MAF: variants seen among roughly 807,000 people sequenced by gnomAD.
MAF encodes MAF bZIP transcription factor, also known as transcription factor Maf.
A neutral mutation model predicts 22.0 loss-of-function variants in MAF; 10 were observed. The ratio of observed to expected loss-of-function variants is 0.45; its 90% CI spans 0.28 to 0.77. The LOEUF (loss-of-function observed/expected upper bound fraction) is 0.77. Among genes scored for constraint, MAF ranks in the 30% least tolerant of loss-of-function variants. The pLI, the probability that MAF is intolerant of heterozygous loss-of-function variation, is 0.12. For synonymous variants in MAF, 337 were observed against 255.8 expected (o/e 1.32, Z -3.03); for missense variants, 544 against 548.4 (o/e 0.99, Z 0.08).
At chr16:79,536,250 C>G in the MAF span, among the ~76,000 whole-genome samples, 5 of 152,228 alleles carry the variant, frequency 3.3e-5, no homozygotes, top group African/African-American at 1.2e-4. Flanking sequence ...CAAATTTCTG[C>G]CAGTCAACAA....
the MAF span, among the ~76,000 whole-genome samples, chr16:79,375,527 G>A: frequency 6.6e-6 from 1 of 152,128 alleles, no homozygotes; most frequent in Non-Finnish European, 1.5e-5. Flanking sequence ...TATTAATGAT[G>A]ATGGTAATGA....
the MAF span, among the ~76,000 whole-genome samples, chr16:79,436,677 A>G: frequency 2.0e-5 from 3 of 152,344 alleles, no homozygotes; most frequent in African/African-American, 7.2e-5. Flanking sequence ...GACATTTAAA[A>G]GGGAGACCCT....
At chr16:79,245,612 G>A in the MAF span, among the ~76,000 whole-genome samples, 1 of 152,042 alleles carries the variant, frequency 6.6e-6, no homozygotes, top group African/African-American at 2.4e-5. Context: ...GTTGGTGGGA[G>A]TGTACAGTAG....
At chr16:79,598,320 G>A in intron 1 of MAF, 1 of 1,118,244 alleles carries the variant, frequency 8.9e-7, no homozygotes. Flanking sequence ...ATGAACACCA[G>A]TTCATGAACT....
chr16:79,364,389 G>A, the MAF span, among the ~76,000 whole-genome samples: 337 of 152,244 alleles, frequency 2.2e-3, no homozygotes, highest in African/African-American at 6.3e-3. Flanking sequence ...ACAACTTCCC[G>A]CACCTGTCAC....
the MAF span, among the ~76,000 whole-genome samples, chr16:79,429,056 G>A: frequency 6.6e-6 from 1 of 152,100 alleles, no homozygotes; most frequent in Non-Finnish European, 1.5e-5. Context: ...TGTGCTGTAA[G>A]CAATGCGGAT....
chr16:79,408,078 C>CAAAAAAAAAAAAA, the MAF span, among the ~76,000 whole-genome samples: 4 of 81,578 alleles, frequency 4.9e-5, no homozygotes, highest in African/African-American at 2.0e-4. Context: ...TTTTACCTTT[C>CAAAAAAAAAAAAA]AAAAAAAAAA....
the MAF span, among the ~76,000 whole-genome samples, chr16:79,267,442 A>G: frequency 5.3e-5 from 8 of 152,078 alleles, no homozygotes; most frequent in Admixed American, 2.6e-4. Flanking sequence ...GTGGTATGGG[A>G]AAGGAGGAGT....
chr16:79,453,304 C>T, the MAF span, among the ~76,000 whole-genome samples: 1 of 152,154 alleles, frequency 6.6e-6, no homozygotes, highest in Non-Finnish European at 1.5e-5. Context: ...CCTAGTCAAA[C>T]TCCTCCCTCT....
the MAF span, among the ~76,000 whole-genome samples, chr16:79,551,622 G>A: frequency 6.6e-6 from 1 of 152,118 alleles, no homozygotes; most frequent in Non-Finnish European, 1.5e-5. Context: ...GACCACTTGG[G>A]TCAAATCCCC....
chr16:79,303,418 A>G, the MAF span, among the ~76,000 whole-genome samples: 6 of 152,104 alleles, frequency 3.9e-5, no homozygotes, highest in South Asian at 2.1e-4. Context: ...AGAGTGTGCA[A>G]TGTGGGAAGC....
the MAF span, among the ~76,000 whole-genome samples, chr16:79,217,986 TAAAAAAAAAAAAAAAAAA>T: frequency 1.5e-4 from 8 of 52,124 alleles, no homozygotes; most frequent in South Asian, 1.5e-3. Flanking sequence ...GAAGCTTATG[TAAAAAAAAAAAAAAAAAA>T]AAAAAAAAAA....
At chr16:79,252,052 C>A in the MAF span, among the ~76,000 whole-genome samples, 1 of 152,254 alleles carries the variant, frequency 6.6e-6, no homozygotes, top group African/African-American at 2.4e-5. Context: ...CTGGTCTATG[C>A]CGTCCCGGCC....
chr16:79,208,625 C>T, the MAF span, among the ~76,000 whole-genome samples: 1 of 102,832 alleles, frequency 9.7e-6, no homozygotes, highest in Non-Finnish European at 2.0e-5. Flanking sequence ...TTAAAGTGCT[C>T]TTTAAATTTT....
the MAF span, among the ~76,000 whole-genome samples, chr16:79,480,847 A>G: frequency 6.6e-6 from 1 of 152,160 alleles, no homozygotes; most frequent in African/African-American, 2.4e-5. Flanking sequence ...ACATTTCCCA[A>G]CATCTGTTTG....
the MAF span, among the ~76,000 whole-genome samples, chr16:79,533,382 G>T: frequency 1.4e-3 from 207 of 152,268 alleles, 5 homozygotes; most frequent in Admixed American, 0.012. Flanking sequence ...AAATAGAAAG[G>T]TAAATTCTTG....
chr16:79,527,908 G>A, the MAF span, among the ~76,000 whole-genome samples: 5 of 152,222 alleles, frequency 3.3e-5, no homozygotes, highest in South Asian at 4.2e-4. Context: ...TTGGGAGGCC[G>A]GGGTGGGTGG....
chr16:79,388,588 A>G, the MAF span, among the ~76,000 whole-genome samples: 1 of 152,224 alleles, frequency 6.6e-6, no homozygotes. Context: ...CTCTCTATCT[A>G]TAAGCCTTTG....
At chr16:79,297,174 G>A in the MAF span, among the ~76,000 whole-genome samples, 4 of 152,120 alleles carry the variant, frequency 2.6e-5, no homozygotes, top group Admixed American at 1.3e-4. Flanking sequence ...ATCATTTAAC[G>A]CAAGGCCATC....
Sources: gnomAD v4.1 joint callset for allele counts (sites outside exome capture counted in the v4.1 genomes callset) on GRCh38, gnomAD v4.1.1 for gene constraint, MANE v1.5 for transcripts, NCBI Gene and HGNC (gene_info 2026-07-23, HGNC 2026-07-21) for gene names.